The following VPS13B variants were observed in gnomAD, a reference collection of about 807,000 sequenced individuals.
VPS13B encodes the protein vacuolar protein sorting 13 homolog B.
Under a neutral mutation model 426.4 loss-of-function variants are expected in VPS13B, and 285 were observed. The observed-to-expected ratio is 0.67, with a 90% CI of 0.61 to 0.74. The LOEUF is 0.74. Ranked by LOEUF, VPS13B falls within the 30% of genes least tolerant of loss-of-function variation. The pLI, the probability that VPS13B is intolerant of heterozygous loss-of-function variation, is 0.00. For synonymous variants in VPS13B, 1,676 were observed against 1,676.4 expected (o/e 1.00, Z 0.01); for missense variants, 4,537 against 4,782.6 (o/e 0.95, Z 1.51).
At chr8:99,215,771 C>T (rs969312977) in intron 17 of VPS13B, among the ~76,000 whole-genome samples, 21 of 152,150 alleles carry the variant, frequency 1.4e-4, no homozygotes, top group Middle Eastern at 3.2e-3. Flanking sequence ...TCCTGGACTC[C>T]TAGAAGGAAA....
intron 19 of VPS13B, among the ~76,000 whole-genome samples, chr8:99,351,613 G>A (rs1203469075): frequency 6.6e-6 from 1 of 151,926 alleles, no homozygotes; most frequent in African/African-American, 2.4e-5. Flanking sequence ...TCACCACCTG[G>A]GAGACTTAGG....
intron 5 of VPS13B, among the ~76,000 whole-genome samples, chr8:99,106,481 C>T (rs1357276020): frequency 3.5e-5 from 5 of 144,626 alleles, no homozygotes; most frequent in African/African-American, 1.3e-4. Context: ...AAACAAAAAA[C>T]CCATATAGCT....
At chr8:99,202,726 C>T (rs1814404866) in intron 17 of VPS13B, among the ~76,000 whole-genome samples, 1 of 152,096 alleles carries the variant, frequency 6.6e-6, no homozygotes. Context: ...ATACCAAAAC[C>T]TGGCAGAGAC....
intron 12 of VPS13B, among the ~76,000 whole-genome samples, chr8:99,141,569 A>G: frequency 6.6e-6 from 1 of 152,306 alleles, no homozygotes; most frequent in African/African-American, 2.4e-5. Flanking sequence ...TATGTTATTT[A>G]TACCTAATTC....
chr8:99,618,818 G>T (rs929070841), intron 33 of VPS13B, among the ~76,000 whole-genome samples: 1 of 151,962 alleles, frequency 6.6e-6, no homozygotes, highest in Non-Finnish European at 1.5e-5. Context: ...AATCAGCTTT[G>T]ATGCCTATGG....
chr8:99,219,023 T>C (rs970814660), intron 17 of VPS13B, among the ~76,000 whole-genome samples: 3 of 152,166 alleles, frequency 2.0e-5, no homozygotes, highest in Non-Finnish European at 4.4e-5. Context: ...CATCCTGGAA[T>C]GGGCCCCTAC....
chr8:99,321,210 C>CTTTTTT (rs58817658), intron 19 of VPS13B, among the ~76,000 whole-genome samples: 45 of 93,962 alleles, frequency 4.8e-4, no homozygotes, highest in East Asian at 2.1e-3. Context: ...TTTTCTTTTT[C>CTTTTTT]TTTTTTTTTT....
chr8:99,476,032 T>G (rs775378334), intron 24 of VPS13B, among the ~76,000 whole-genome samples: 2 of 152,246 alleles, frequency 1.3e-5, no homozygotes, highest in Non-Finnish European at 2.9e-5. Flanking sequence ...ATCACAAGGT[T>G]GTTGGGAAGT....
intron 7 of VPS13B, 54 bp from the exon 8 acceptor site, chr8:99,121,123 T>C: frequency 6.5e-7 from 1 of 1,538,196 alleles, no homozygotes; most frequent in South Asian, 1.2e-5. Flanking sequence ...CTATTTCTAT[T>C]CTCTTAGTTA....
At chr8:99,434,411 C>G (rs913192934) in intron 22 of VPS13B, among the ~76,000 whole-genome samples, 5 of 152,094 alleles carry the variant, frequency 3.3e-5, no homozygotes, top group African/African-American at 1.2e-4. Flanking sequence ...TTTAACTAAG[C>G]CATACCAAGA....
chr8:99,721,360 A>T (rs748084055), intron 39 of VPS13B, among the ~76,000 whole-genome samples: 1 of 152,186 alleles, frequency 6.6e-6, no homozygotes, highest in Non-Finnish European at 1.5e-5. Flanking sequence ...TTAAGTGCCT[A>T]TCATGTGTTC....
At chr8:99,402,572 T>A (rs1815095945) in intron 21 of VPS13B, among the ~76,000 whole-genome samples, 1 of 151,926 alleles carries the variant, frequency 6.6e-6, no homozygotes, top group Non-Finnish European at 1.5e-5. Flanking sequence ...GTCCTGCAGA[T>A]CCCAAGGAGC....
At chr8:99,738,027 T>A (rs926071519) in intron 39 of VPS13B, among the ~76,000 whole-genome samples, 12 of 152,356 alleles carry the variant, frequency 7.9e-5, no homozygotes, top group African/African-American at 2.4e-4. Context: ...GGAGTCTCAC[T>A]ATATATAAGC....
intron 17 of VPS13B, among the ~76,000 whole-genome samples, chr8:99,238,710 T>C (rs999219720): frequency 6.6e-6 from 1 of 152,166 alleles, no homozygotes; most frequent in African/African-American, 2.4e-5. Flanking sequence ...AGAGAAAAAC[T>C]GTGTCTTGAA....
chr8:99,537,124 A>T (rs1172835442), intron 30 of VPS13B, among the ~76,000 whole-genome samples: 1 of 152,098 alleles, frequency 6.6e-6, no homozygotes, highest in South Asian at 2.1e-4. Flanking sequence ...AAAATTGTCC[A>T]TCGGTCTGAA....
intron 33 of VPS13B, among the ~76,000 whole-genome samples, chr8:99,619,691 G>T (rs2133889938): frequency 6.6e-6 from 1 of 152,214 alleles, no homozygotes; most frequent in South Asian, 2.1e-4. Flanking sequence ...GGGCAATATA[G>T]TGAAACCTTG....
chr8:99,028,521 GACC>G (rs748582463), intron 2 of VPS13B, among the ~76,000 whole-genome samples: 3 of 27,352 alleles, frequency 1.1e-4, no homozygotes, highest in Non-Finnish European at 2.6e-4. Context: ...GCGGGGGGCT[GACC>G]CCCCCCCCCA....
chr8:99,323,947 G>A (rs940724992), intron 19 of VPS13B, among the ~76,000 whole-genome samples: 5 of 152,124 alleles, frequency 3.3e-5, no homozygotes, highest in Non-Finnish European at 7.3e-5. Context: ...ACGTTTTGTG[G>A]TTTCGCCTCA....
chr8:99,394,725 A>C (rs929767021), intron 21 of VPS13B, among the ~76,000 whole-genome samples: 6 of 152,216 alleles, frequency 3.9e-5, no homozygotes, highest in Non-Finnish European at 8.8e-5. Flanking sequence ...AATACTCCAT[A>C]AATGATACTT....
Sources: gnomAD v4.1 joint callset for allele counts (sites outside exome capture counted in the v4.1 genomes callset) on GRCh38, gnomAD v4.1.1 for gene constraint, MANE v1.5 for transcripts, NCBI Gene and HGNC (gene_info 2026-07-23, HGNC 2026-07-21) for gene names.